MLLT3: variants seen among roughly 807,000 people sequenced by gnomAD.
MLLT3 encodes the protein MLLT3 super elongation complex subunit.
In MLLT3, 4 loss-of-function variants were observed where a neutral mutation model predicts 53.2. The observed-to-expected ratio is 0.08, with a 90% CI of 0.04 to 0.17. The LOEUF (loss-of-function observed/expected upper bound fraction) is 0.17. MLLT3 is among the 10% of genes least tolerant of loss of function. The pLI is 1.00. For synonymous variants in MLLT3, 283 were observed against 230.6 expected, an observed-to-expected ratio of 1.23 and a Z score of -2.06; for missense variants, 569 against 684.0, an observed-to-expected ratio of 0.83 and a Z score of 1.87.
intron 2 of MLLT3, among the ~76,000 whole-genome samples, chr9:20,568,850 C>T (rs1285706787): frequency 6.6e-6 from 1 of 152,136 alleles, no homozygotes; most frequent in Non-Finnish European, 1.5e-5. Flanking sequence ...TTATTACCTT[C>T]ATTTCAGAAA....
intron 2 of MLLT3, among the ~76,000 whole-genome samples, chr9:20,540,407 C>T (rs1358395404): frequency 6.6e-6 from 1 of 152,224 alleles, no homozygotes; most frequent in Non-Finnish European, 1.5e-5. Context: ...GGCATTTCCA[C>T]ACATCCTCTG....
intron 10 of MLLT3, among the ~76,000 whole-genome samples, chr9:20,347,672 TG>T (rs1434220003): frequency 6.6e-6 from 1 of 152,146 alleles, no homozygotes; most frequent in African/African-American, 2.4e-5. Context: ...CAGCGTTTTT[TG>T]GGGGAGGCAG....
At chr9:20,587,170 T>G (rs946403111) in intron 2 of MLLT3, among the ~76,000 whole-genome samples, 1 of 131,444 alleles carries the variant, frequency 7.6e-6, no homozygotes, top group Non-Finnish European at 1.6e-5. Context: ...TTCCAACAGA[T>G]AGCAGATAGC....
intron 10 of MLLT3, among the ~76,000 whole-genome samples, chr9:20,347,339 G>A (rs760622037): frequency 1.3e-5 from 2 of 152,148 alleles, no homozygotes; most frequent in Admixed American, 6.5e-5. Flanking sequence ...ATTTTGGGGA[G>A]ATTTTAAATA....
chr9:20,575,387 C>T (rs889145753), intron 2 of MLLT3, among the ~76,000 whole-genome samples: 1 of 152,038 alleles, frequency 6.6e-6, no homozygotes, highest in African/African-American at 2.4e-5. Context: ...TCGCAGAAGA[C>T]CCAGATGATC....
chr9:20,502,417 T>C (rs1825270203), intron 2 of MLLT3: 1 of 152,502 alleles, frequency 6.6e-6, no homozygotes. Context: ...CCACCAAGTA[T>C]TTTTAAGAGG....
Position 20,366,899 on chromosome 9 carries a change from C to T in MLLT3, c.1126-1155G>A, listed in dbSNP as rs185587178. On this transcript the variant is annotated intron_variant, in intron 5 of 10. Coordinates refer to ENST00000380338, the MANE Select transcript of MLLT3 (RefSeq NM_004529.4). ...CCTTGATTACCCTTTCTGTAATGTT[C>T]GATTGACTCAACTGGTTAAAACATA... Among the ~76,000 whole-genome samples, 251 of 152,308 alleles carry T rather than the reference C, an allele frequency of 1.6e-3. 2 individuals carry two copies. Among genetic ancestry groups the T allele is most frequent in the African/African-American group, 5.8e-3 (241 of 41,560 alleles).
In MLLT3 at chr9:20,583,916, G is replaced by A. The variant is rs1819876389; in HGVS notation, c.193+36738C>T. 2.0e-5 allele frequency among the ~76,000 whole-genome samples: 3 copies of A among 152,284 alleles called. No homozygotes were observed. In the South Asian group the frequency reaches 6.2e-4, roughly 32 times the overall value. On this transcript the variant is annotated intron_variant, in intron 2 of 10. Transcript: ENST00000380338. Reference sequence around the variant, plus strand: ...TAACATTAGGCTCCTTGCTACTTATGCAAATTTCTGTAGAGGGCTTGAATT... The same window carrying A: ...TAACATTAGGCTCCTTGCTACTTATACAAATTTCTGTAGAGGGCTTGAATT...
chr9:20,469,294 T>C (rs1824311833), intron 2 of MLLT3, among the ~76,000 whole-genome samples: 1 of 152,138 alleles, frequency 6.6e-6, no homozygotes, highest in African/African-American at 2.4e-5. Context: ...AGAAATATCA[T>C]GCCTTTAAAA....
At chr9:20,498,493 T>C (rs1420107517) in intron 2 of MLLT3, among the ~76,000 whole-genome samples, 4 of 152,212 alleles carry the variant, frequency 2.6e-5, no homozygotes, top group African/African-American at 9.7e-5. Flanking sequence ...CATCTTATTA[T>C]TCAGCTGTAG....
At chr9:20,431,290 C>A (rs1324769003) in intron 4 of MLLT3, among the ~76,000 whole-genome samples, 1 of 152,048 alleles carries the variant, frequency 6.6e-6, no homozygotes, top group African/African-American at 2.4e-5. Flanking sequence ...TTTTAGGCCC[C>A]ACCCTAGACC....
At chr9:20,592,493 T>C (rs528569746) in intron 2 of MLLT3, among the ~76,000 whole-genome samples, 3 of 152,280 alleles carry the variant, frequency 2.0e-5, no homozygotes, top group African/African-American at 7.2e-5. Flanking sequence ...TCTTCTCTTC[T>C]TATAAGGACA....
chr9:20,601,830 C>T (rs1820430049), intron 2 of MLLT3, among the ~76,000 whole-genome samples: 1 of 151,902 alleles, frequency 6.6e-6, no homozygotes, highest in East Asian at 1.9e-4. Flanking sequence ...TAAATAGCAC[C>T]AAATTGTCAA....
intron 2 of MLLT3, among the ~76,000 whole-genome samples, chr9:20,600,829 C>T (rs919183600): frequency 5.9e-5 from 9 of 152,196 alleles, no homozygotes; most frequent in South Asian, 4.1e-4. Flanking sequence ...GTAAGGTATA[C>T]ATGACATAGA....
At chr9:20,458,319 A>T (rs1824021984) in intron 2 of MLLT3, among the ~76,000 whole-genome samples, 1 of 152,124 alleles carries the variant, frequency 6.6e-6, no homozygotes, top group Admixed American at 6.5e-5. Flanking sequence ...TCACCTCAAG[A>T]AGATAGAGTG....
chr9:20,475,694 T>C (rs147552039), intron 2 of MLLT3, among the ~76,000 whole-genome samples: 18 of 152,238 alleles, frequency 1.2e-4, no homozygotes, highest in Non-Finnish European at 2.4e-4. Flanking sequence ...CATTCTCACA[T>C]TGGTTTTATG....
At chr9:20,401,230 T>C (rs1199475303) in intron 5 of MLLT3, among the ~76,000 whole-genome samples, 3 of 152,214 alleles carry the variant, frequency 2.0e-5, no homozygotes, top group East Asian at 1.9e-4. Context: ...AGCATTGTAT[T>C]ATCCCCAGTG....
At chr9:20,381,911 T>C (rs1821918076) in intron 5 of MLLT3, among the ~76,000 whole-genome samples, 1 of 151,896 alleles carries the variant, frequency 6.6e-6, no homozygotes, top group Admixed American at 6.6e-5. Context: ...GTCTAATCCT[T>C]AGCTTCTCTC....
chr9:20,534,507 C>T lies in MLLT3; in HGVS notation c.194-77721G>A, dbSNP rs142842546. On this transcript the variant is annotated intron_variant, in intron 2 of 10. Coordinates refer to ENST00000380338, the MANE Select transcript of MLLT3 (RefSeq NM_004529.4). ...TAGTAGCATTCCCCTTCATTTTTCACTCTGCTTTGTCCTCCTTGGATGAAC... is the reference window on the plus strand; with the variant it reads ...TAGTAGCATTCCCCTTCATTTTTCATTCTGCTTTGTCCTCCTTGGATGAAC... 2.4e-3 allele frequency among the ~76,000 whole-genome samples: 359 copies of T among 152,330 alleles called. 2 individuals carry two copies. The highest frequency in any genetic ancestry group is 3.8e-3 in the Non-Finnish European group (261 of 68,034).
Sources: allele counts gnomAD v4.1 joint callset (sites outside exome capture counted in the v4.1 genomes callset), GRCh38; gene constraint gnomAD v4.1.1; transcripts MANE v1.5; gene names NCBI Gene and HGNC (gene_info 2026-07-23, HGNC 2026-07-21).